Variants in SLC14A2 observed in about 807,000 individuals in gnomAD.
SLC14A2 encodes urea transporter 2.
In SLC14A2, 91 loss-of-function variants were observed where a neutral mutation model predicts 104.6. That is an observed-to-expected ratio of 0.87 (90% CI 0.73 to 1.04). The LOEUF (loss-of-function observed/expected upper bound fraction) is 1.04. Ranked by LOEUF, SLC14A2 falls within the 50% of genes least tolerant of loss-of-function variation. The pLI is 0.00. For missense variants in SLC14A2, 1,189 were observed against 1,156.0 expected (o/e 1.03, Z -0.41); for synonymous variants, 476 against 466.4 (o/e 1.02, Z -0.27).
At chr18:45,256,894 C>A (rs2084484604) in intron 1 of SLC14A2, among the ~76,000 whole-genome samples, 3 of 152,184 alleles carry the variant, frequency 2.0e-5, no homozygotes, top group Admixed American at 2.0e-4. Context: ...TCATAAGTAC[C>A]CTGTGATGTC....
chr18:45,612,921 T>G (rs1356135809), upstream of SLC14A2, among the ~76,000 whole-genome samples: 3 of 152,240 alleles, frequency 2.0e-5, no homozygotes, highest in Admixed American at 2.0e-4. Flanking sequence ...AAGGTCCAAG[T>G]TTGCTTCCCC....
chr18:45,492,075 A>G (rs2043012146), intron 2 of SLC14A2: 1 of 152,286 alleles, frequency 6.6e-6, no homozygotes, highest in Non-Finnish European at 1.5e-5. Context: ...CAGGGGTTCC[A>G]TCTCCAAAGT....
intron 1 of SLC14A2, among the ~76,000 whole-genome samples, chr18:45,264,764 G>A (rs889106836): frequency 3.3e-5 from 5 of 152,196 alleles, no homozygotes; most frequent in South Asian, 4.2e-4. Flanking sequence ...CACGGGGTCC[G>A]TCCCATAACA....
chr18:45,179,806 C>A, the SLC14A2 span: 1 of 150,480 alleles, frequency 6.6e-6, no homozygotes, highest in East Asian at 1.9e-4. Flanking sequence ...GAAAGATTAA[C>A]TAAAATTGAG....
intron 1 of SLC14A2, among the ~76,000 whole-genome samples, chr18:45,235,260 CT>C (rs2084213434): frequency 6.6e-6 from 1 of 152,106 alleles, no homozygotes; most frequent in Non-Finnish European, 1.5e-5. Context: ...TTCTCCTTTT[CT>C]TTTCATTAAA....
At chr18:45,184,598 G>C in the SLC14A2 span, among the ~76,000 whole-genome samples, 3 of 151,984 alleles carry the variant, frequency 2.0e-5, no homozygotes, top group African/African-American at 7.3e-5. Context: ...AGGAAGAAAA[G>C]GTAACTACTG....
chr18:45,421,920 G>A (rs763776663), intron 1 of SLC14A2, among the ~76,000 whole-genome samples: 3 of 152,236 alleles, frequency 2.0e-5, no homozygotes, highest in Non-Finnish European at 2.9e-5. Flanking sequence ...TAGGCTTCCT[G>A]GAGGAGGAGG....
At chr18:45,271,578 A>G (rs1172055444) in intron 1 of SLC14A2, among the ~76,000 whole-genome samples, 1 of 152,186 alleles carries the variant, frequency 6.6e-6, no homozygotes, top group East Asian at 1.9e-4. Flanking sequence ...CAAATTGAAT[A>G]CCTAGAAATT....
chr18:45,399,462 G>A (rs1403533561), intron 1 of SLC14A2, among the ~76,000 whole-genome samples: 1 of 152,146 alleles, frequency 6.6e-6, no homozygotes, highest in East Asian at 1.9e-4. Flanking sequence ...CCTTCCTAGA[G>A]CCTTATAAAT....
intron 6 of SLC14A2, 137 bp downstream of exon 6, chr18:45,637,319 A>G: frequency 1.5e-6 from 1 of 658,532 alleles, no homozygotes; most frequent in Non-Finnish European, 2.6e-6. Context: ...GCAGGGTATC[A>G]GAAAGGGTTG....
At chr18:45,557,327 G>A (rs1414049519) in intron 2 of SLC14A2, among the ~76,000 whole-genome samples, 1 of 152,212 alleles carries the variant, frequency 6.6e-6, no homozygotes, top group Non-Finnish European at 1.5e-5. Flanking sequence ...GCCATGCTGA[G>A]CTTGATGTCC....
chr18:45,207,046 T>C, the SLC14A2 span, among the ~76,000 whole-genome samples: 2 of 152,214 alleles, frequency 1.3e-5, no homozygotes, highest in African/African-American at 4.8e-5. Flanking sequence ...GTATTAACTA[T>C]ATCATTTACT....
intron 2 of SLC14A2, chr18:45,527,805 T>C (rs1233648578): frequency 1.3e-5 from 2 of 152,230 alleles, no homozygotes; most frequent in Non-Finnish European, 2.9e-5. Flanking sequence ...CATACAAATG[T>C]GAATGATTAC....
chr18:45,334,294 C>T (rs910252151), intron 1 of SLC14A2, among the ~76,000 whole-genome samples: 1 of 152,162 alleles, frequency 6.6e-6, no homozygotes, highest in Admixed American at 6.5e-5. Flanking sequence ...GTTAACCCTC[C>T]ATTACAAACA....
At chr18:45,347,011 A>G (rs771398724) in intron 1 of SLC14A2, among the ~76,000 whole-genome samples, 1 of 123,778 alleles carries the variant, frequency 8.1e-6, no homozygotes, top group Non-Finnish European at 1.7e-5. Flanking sequence ...AAATAAATAA[A>G]CAAACAAACA....
the SLC14A2 span, among the ~76,000 whole-genome samples, chr18:45,168,368 C>T: frequency 3.9e-5 from 6 of 152,020 alleles, no homozygotes; most frequent in African/African-American, 7.3e-5. Context: ...GCCAGACGTT[C>T]GGTATTTGAA....
the SLC14A2 span, among the ~76,000 whole-genome samples, chr18:45,178,097 G>T: frequency 3.9e-5 from 6 of 152,156 alleles, no homozygotes. Flanking sequence ...CTGCTCAGGG[G>T]TAATCAGAAG....
intron 2 of SLC14A2, among the ~76,000 whole-genome samples, chr18:45,596,369 T>G (rs149561147): frequency 0.015 from 2,234 of 152,338 alleles, 23 homozygotes; most frequent in Non-Finnish European, 0.024. Flanking sequence ...TTCAAAACAC[T>G]GTGGGTATAT....
upstream of SLC14A2, among the ~76,000 whole-genome samples, chr18:45,208,847 T>C (rs935828248): frequency 2.0e-5 from 3 of 151,634 alleles, no homozygotes; most frequent in Non-Finnish European, 4.4e-5. Context: ...TGCAAAGATA[T>C]GGTAGTATTA....
Sources: allele counts gnomAD v4.1 joint callset (sites outside exome capture counted in the v4.1 genomes callset), GRCh38; gene constraint gnomAD v4.1.1; transcripts MANE v1.5; gene names NCBI Gene and HGNC (gene_info 2026-07-23, HGNC 2026-07-21).